EIF2B3: variants seen among roughly 807,000 people sequenced by gnomAD.
EIF2B3 encodes eukaryotic translation initiation factor 2B subunit gamma.
EIF2B3 carries 20 observed loss-of-function variants against 54.1 expected under a neutral mutation model. That is an observed-to-expected ratio of 0.37 (90% CI 0.26 to 0.54). The LOEUF is 0.54. Among genes scored for constraint, EIF2B3 ranks in the 20% least tolerant of loss-of-function variants. The pLI is 0.86. For synonymous variants in EIF2B3, 153 were observed against 188.1 expected, an observed-to-expected ratio of 0.81 and a Z score of 1.52; for missense variants, 448 against 547.8, an observed-to-expected ratio of 0.82 and a Z score of 1.82.
At chr1:44,877,369 C>G (rs1054677243) in intron 8 of EIF2B3, among the ~76,000 whole-genome samples, 1 of 152,110 alleles carries the variant, frequency 6.6e-6, no homozygotes, top group Non-Finnish European at 1.5e-5. Flanking sequence ...GCCTTATTGT[C>G]AGTCTCTTAG....
At chr1:44,971,138 C>T (rs1201381443) in intron 3 of EIF2B3, among the ~76,000 whole-genome samples, 2 of 152,144 alleles carry the variant, frequency 1.3e-5, no homozygotes, top group Admixed American at 1.3e-4. Context: ...AATCCCAGCA[C>T]TTTGGGAGGC....
rs773530595 is a variant in EIF2B3 at position 44,874,739 on chromosome 1, T to A, written c.1141A>T (p.Ile381Leu). ...KRSVIGSSCL[I>L]KDRVTITNCL... is the part of the protein sequence containing the mutation. ...TTGGTAATAGTCACTCTATCTTTTA[T>A]GAGACAGGATGAGCCAATGACTGAG... Residue 381 changes from isoleucine to leucine, a missense_variant, in exon 10 of 12, where the codon ATA becomes TTA. Physicochemically the swap from Ile to Leu is conservative, Grantham distance 5. Coordinates refer to ENST00000360403, the MANE Select transcript of EIF2B3 (RefSeq NM_020365.5). 1.3e-5 allele frequency: 21 copies of A among 1,613,968 alleles called. No homozygotes were observed. In the South Asian group the frequency reaches 2.3e-4, roughly 18 times the overall value.
At chr1:44,875,740 G>A in intron 8 of EIF2B3, 45 bp from the exon 9 acceptor site, 1 of 1,514,286 alleles carries the variant, frequency 6.6e-7, no homozygotes, top group Non-Finnish European at 9.2e-7. Flanking sequence ...AAACACCTTA[G>A]GTAGCTCTCC....
intron 10 of EIF2B3, among the ~76,000 whole-genome samples, 153 bp from the exon 11 acceptor site, chr1:44,857,960 T>C (rs1203825081): frequency 1.3e-5 from 2 of 152,066 alleles, no homozygotes; most frequent in Non-Finnish European, 2.9e-5. Context: ...GAAGACAGAA[T>C]GGTAAGCCAA....
chr1:44,942,475 T>C (rs796970165), intron 3 of EIF2B3, among the ~76,000 whole-genome samples: 12 of 124,902 alleles, frequency 9.6e-5, no homozygotes, highest in African/African-American at 3.6e-4. Flanking sequence ...TCACCTAGAC[T>C]GGAATGCAGC....
Position 44,937,091 on chromosome 1 carries a change from A to T in EIF2B3, c.454+4415T>A, listed in dbSNP as rs1240297380. ...AAAAATCTTGAAACCATTTCTAAAC[A>T]TAAAATTAATAGACAATGTAGTCAG... On this transcript the variant is annotated intron_variant, in intron 4 of 11. Transcript: ENST00000360403. Among the ~76,000 whole-genome samples the T allele has an allele frequency of 3.3e-5, 5 of 152,218 alleles. No homozygotes were observed. In the South Asian group the frequency reaches 8.3e-4, roughly 25 times the overall value.
At chr1:44,877,192 TAAAAAA>T (rs768263508) in intron 8 of EIF2B3, among the ~76,000 whole-genome samples, 16 of 52,082 alleles carry the variant, frequency 3.1e-4, no homozygotes, top group African/African-American at 1.4e-3. Context: ...GAATGATCAA[TAAAAAA>T]AAAAAAAAAA....
At chr1:44,931,816 C>T (rs1401412763) in intron 4 of EIF2B3, among the ~76,000 whole-genome samples, 3 of 152,190 alleles carry the variant, frequency 2.0e-5, no homozygotes, top group African/African-American at 4.8e-5. Context: ...ATAACAAGTA[C>T]CTATAAAAAT....
chr1:44,916,679 C>T (rs1643630061), intron 5 of EIF2B3, among the ~76,000 whole-genome samples: 1 of 150,700 alleles, frequency 6.6e-6, no homozygotes, highest in Admixed American at 6.6e-5. Flanking sequence ...AAAAATTAGC[C>T]AAATGTGGTG....
intron 10 of EIF2B3, among the ~76,000 whole-genome samples, chr1:44,860,818 G>C (rs1381662321): frequency 6.6e-6 from 1 of 152,064 alleles, no homozygotes; most frequent in African/African-American, 2.4e-5. Context: ...GAGGGTGTAA[G>C]CACCCTTTTA....
intron 5 of EIF2B3, among the ~76,000 whole-genome samples, chr1:44,915,505 A>G (rs10749852): frequency 1 from 151,649 of 151,752 alleles, 75,773 homozygotes; most frequent in Middle Eastern, 1. Context: ...GGGATTAAAG[A>G]CATGTGCTGC....
intron 4 of EIF2B3, among the ~76,000 whole-genome samples, chr1:44,939,539 G>A (rs533174406): frequency 2.6e-5 from 4 of 152,234 alleles, no homozygotes; most frequent in South Asian, 4.1e-4. Context: ...CATGAAAAAT[G>A]TTAAGTATTT....
At chr1:44,948,922 A>T (rs1644132756) in intron 3 of EIF2B3, among the ~76,000 whole-genome samples, 1 of 151,966 alleles carries the variant, frequency 6.6e-6, no homozygotes, top group South Asian at 2.1e-4. Context: ...GGCTGGAGTA[A>T]AATGGCACGA....
chr1:44,869,344 G>T (rs1654882572), intron 10 of EIF2B3, among the ~76,000 whole-genome samples: 1 of 151,556 alleles, frequency 6.6e-6, no homozygotes, highest in African/African-American at 2.4e-5. Flanking sequence ...AGGGTGTGGG[G>T]GTGCGCACCT....
intron 7 of EIF2B3, 99 bp from the exon 8 acceptor site, chr1:44,880,107 G>A (rs1208435729): frequency 7.5e-7 from 1 of 1,331,158 alleles, no homozygotes; most frequent in Non-Finnish European, 1.1e-6. Context: ...TAAGAGACGA[G>A]GTCTTGCTAT....
At chr1:44,924,229 C>G (rs910807316) in intron 5 of EIF2B3, among the ~76,000 whole-genome samples, 3 of 152,036 alleles carry the variant, frequency 2.0e-5, no homozygotes, top group Admixed American at 6.6e-5. Context: ...CGTGAGCCAC[C>G]GCGCCCAGCC....
At chr1:44,951,788 CCT>C (rs1644163767) in intron 3 of EIF2B3, among the ~76,000 whole-genome samples, 1 of 129,432 alleles carries the variant, frequency 7.7e-6, no homozygotes. Context: ...CTTCTCCCTT[CCT>C]CTTTTTTTTT....
chr1:44,891,825 G>A lies in EIF2B3; in HGVS notation c.656+5530C>T, dbSNP rs185250601. 5.3e-5 allele frequency among the ~76,000 whole-genome samples: 8 copies of A among 152,222 alleles called. No individual in the cohort carries two copies. In the East Asian group the frequency reaches 1.4e-3, roughly 26 times the overall value. Reference sequence around the variant, plus strand: ...TGTGTGAGGAGGTATCATGTCTGAGGTACTATGCTAGGAAAATAATACAGA... The same window carrying A: ...TGTGTGAGGAGGTATCATGTCTGAGATACTATGCTAGGAAAATAATACAGA... On this transcript the variant is annotated intron_variant, in intron 6 of 11. Transcript: ENST00000360403.
chr1:44,935,178 T>C (rs1643934119), intron 4 of EIF2B3, among the ~76,000 whole-genome samples: 1 of 152,202 alleles, frequency 6.6e-6, no homozygotes, highest in Admixed American at 6.5e-5. Flanking sequence ...TTCCAAGAGA[T>C]ACAGTGGGAC....
Sources: allele counts gnomAD v4.1 joint callset (sites outside exome capture counted in the v4.1 genomes callset), GRCh38; gene constraint gnomAD v4.1.1; transcripts MANE v1.5; gene names NCBI Gene and HGNC (gene_info 2026-07-23, HGNC 2026-07-21).